ATRNL1: variants seen among roughly 807,000 people sequenced by gnomAD.
The protein encoded by ATRNL1 is attractin-like protein 1.
ATRNL1 carries 95 observed loss-of-function variants against 182.7 expected under a neutral mutation model. The ratio of observed to expected loss-of-function variants is 0.52; its 90% CI spans 0.44 to 0.62. The LOEUF (loss-of-function observed/expected upper bound fraction) is 0.62. Ranked by LOEUF, ATRNL1 falls within the 20% of genes least tolerant of loss-of-function variation. The pLI, the probability that ATRNL1 is intolerant of heterozygous loss-of-function variation, is 0.00. For missense variants in ATRNL1, 1,471 were observed against 1,679.5 expected (o/e 0.88, Z 2.17); for synonymous variants, 576 against 568.3 (o/e 1.01, Z -0.19).
At position 115,776,006 on chromosome 10, in the gene ATRNL1, A is replaced by G. The variant is rs191406172; in HGVS notation, c.3903+48651A>G. 1.8e-3 allele frequency among the ~76,000 whole-genome samples: 278 copies of G among 152,116 alleles called. 1 individual carries two copies. The highest frequency in any genetic ancestry group is 3.0e-3 in the Non-Finnish European group (202 of 67,994). On this transcript the variant is annotated intron_variant, in intron 27 of 28. Coordinates refer to ENST00000355044, the MANE Select transcript of ATRNL1 (RefSeq NM_207303.4). ...GAAAATGAATTTACAGAAAAGTCGAATATTCTTTTATTAAAGCAGCTCTGT... is the reference window on the plus strand; with the variant it reads ...GAAAATGAATTTACAGAAAAGTCGAGTATTCTTTTATTAAAGCAGCTCTGT...
chr10:115,672,763 A>T (rs1945739357), intron 26 of ATRNL1, among the ~76,000 whole-genome samples: 1 of 152,108 alleles, frequency 6.6e-6, no homozygotes, highest in South Asian at 2.1e-4. Flanking sequence ...GTCTTTCTTA[A>T]ATTATTTTTT....
In ATRNL1 at chr10:115,300,059, G is replaced by T. The variant is rs781892443; in HGVS notation, c.2441G>T (p.Arg814Leu). 6 of 1,612,532 alleles carry T rather than the reference G, an allele frequency of 3.7e-6. No individual in the cohort carries two copies. The highest frequency in any genetic ancestry group is 5.1e-6 in the Non-Finnish European group (6 of 1,179,138). Residue 814 changes from arginine (R) to leucine (L), a missense_variant, in exon 16 of 29, where the codon CGC becomes CTC. Physicochemically the swap from Arg to Leu is moderately radical, Grantham distance 102. Around this residue, in one of 3 missense-constraint regions of ATRNL1, gnomAD observed 1,031 missense variants for 1,156.0 expected, o/e 0.89. Coordinates refer to ENST00000355044, the MANE Select transcript of ATRNL1 (RefSeq NM_207303.4). ...AAAGTATCACCTTGGGTAGGCTTGCGCAAGATCAATATATCCTATTGGGGA... is the reference window on the plus strand; with the variant it reads ...AAAGTATCACCTTGGGTAGGCTTGCTCAAGATCAATATATCCTATTGGGGA... ...QQKVSPWVGL[R>L]KINISYWGWE...
intron 24 of ATRNL1, among the ~76,000 whole-genome samples, chr10:115,507,897 T>C (rs1391309202): frequency 6.6e-6 from 1 of 152,010 alleles, no homozygotes; most frequent in Non-Finnish European, 1.5e-5. Context: ...CAAACAGGGT[T>C]ACAGAGGTTT....
At chr10:115,627,837 A>C (rs1345062827) in intron 26 of ATRNL1, among the ~76,000 whole-genome samples, 1 of 152,140 alleles carries the variant, frequency 6.6e-6, no homozygotes, top group Non-Finnish European at 1.5e-5. Flanking sequence ...TTGCCAGTTA[A>C]TATGGTTGTT....
chr10:115,489,701 AT>A (rs1465702529), intron 24 of ATRNL1, among the ~76,000 whole-genome samples: 2 of 152,168 alleles, frequency 1.3e-5, no homozygotes, highest in Non-Finnish European at 2.9e-5. Flanking sequence ...GTGTCTTTTA[AT>A]TGGGGCATTT....
chr10:115,392,716 G>A (rs2134273725), intron 19 of ATRNL1, among the ~76,000 whole-genome samples: 1 of 152,266 alleles, frequency 6.6e-6, no homozygotes, highest in Non-Finnish European at 1.5e-5. Context: ...GCTCTTCTGA[G>A]TCTTGACCTT....
intron 24 of ATRNL1, among the ~76,000 whole-genome samples, chr10:115,474,306 T>TGA (rs2134585426): frequency 6.6e-6 from 1 of 151,540 alleles, no homozygotes; most frequent in East Asian, 1.9e-4. Context: ...AGGTTTCTGC[T>TGA]GAGAAATCTG....
chr10:115,520,710 G>A (rs1850882085), intron 25 of ATRNL1, among the ~76,000 whole-genome samples: 2 of 151,990 alleles, frequency 1.3e-5, no homozygotes, highest in Admixed American at 1.3e-4. Context: ...ATTCCTCCAT[G>A]TGGGCCCATA....
At chr10:115,721,507 A>G (rs10885791) in intron 26 of ATRNL1, among the ~76,000 whole-genome samples, 1 of 151,964 alleles carries the variant, frequency 6.6e-6, no homozygotes, top group Non-Finnish European at 1.5e-5. Flanking sequence ...CCTCAGAATC[A>G]TGGTGGGGGG....
intron 21 of ATRNL1, among the ~76,000 whole-genome samples, chr10:115,448,024 G>A (rs1429584966): frequency 2.0e-5 from 3 of 151,870 alleles, no homozygotes; most frequent in African/African-American, 7.2e-5. Context: ...GTGTATTTAA[G>A]TTTCTCTTCT....
chr10:115,802,504 TTATAAA>T (rs1266526734), intron 27 of ATRNL1, among the ~76,000 whole-genome samples: 4 of 152,202 alleles, frequency 2.6e-5, no homozygotes, highest in Non-Finnish European at 5.9e-5. Context: ...TACAAAATCA[TTATAAA>T]TACAATTCAT....
intron 21 of ATRNL1, among the ~76,000 whole-genome samples, chr10:115,448,650 A>G (rs1236534620): frequency 6.6e-6 from 1 of 152,160 alleles, no homozygotes; most frequent in Admixed American, 6.6e-5. Context: ...CAAAGTTAGC[A>G]GAAGACAAGA....
At chr10:115,441,324 T>A (rs1846669198) in intron 21 of ATRNL1, among the ~76,000 whole-genome samples, 1 of 151,872 alleles carries the variant, frequency 6.6e-6, no homozygotes, top group African/African-American at 2.4e-5. Context: ...AGATCAACCC[T>A]TCTCAAAATA....
chr10:115,315,786 A>G (rs1554929461), intron 18 of ATRNL1, 50 bp downstream of exon 18: 1 of 1,476,024 alleles, frequency 6.8e-7, no homozygotes, highest in Non-Finnish European at 9.3e-7. Context: ...AAGGGATCCA[A>G]GAAGGAGTTT....
rs1042081264 is a variant in ATRNL1 at position 115,858,042 on chromosome 10, A to C, written c.4018+10051A>C. ...AAAATCAAAATGTGTTGCAATACCC[A>C]AGCTGCCTTTGAAGCAACAAAACAA... On this transcript the variant is annotated intron_variant, in intron 28 of 28. Coordinates refer to ENST00000355044, the MANE Select transcript of ATRNL1 (RefSeq NM_207303.4). 1.3e-4 allele frequency among the ~76,000 whole-genome samples: 20 copies of C among 152,330 alleles called. No individual in the cohort carries two copies. The East Asian group carries it at 3.9e-3, about 29-fold the overall frequency.
intron 25 of ATRNL1, among the ~76,000 whole-genome samples, chr10:115,537,623 A>G (rs1377471417): frequency 6.6e-6 from 1 of 152,170 alleles, no homozygotes; most frequent in Non-Finnish European, 1.5e-5. Flanking sequence ...TACTTAAAGT[A>G]TACCAGTCAC....
chr10:115,405,041 A>G (rs1554957869), intron 20 of ATRNL1, among the ~76,000 whole-genome samples: 1 of 152,170 alleles, frequency 6.6e-6, no homozygotes, highest in Non-Finnish European at 1.5e-5. Flanking sequence ...GTATCAAGTT[A>G]AGATTTAGGA....
At chr10:115,409,353 T>G (rs1845018814) in intron 20 of ATRNL1, among the ~76,000 whole-genome samples, 2 of 152,186 alleles carry the variant, frequency 1.3e-5, no homozygotes, top group Non-Finnish European at 2.9e-5. Context: ...CTTGATTTCT[T>G]TTTCAGCTAC....
chr10:115,793,823 T>A lies in ATRNL1; in HGVS notation c.3904-54054T>A, dbSNP rs115522292. 1.0e-2 allele frequency among the ~76,000 whole-genome samples: 1,515 copies of A among 152,234 alleles called. 31 individuals carry two copies. Among genetic ancestry groups the A allele is most frequent in the African/African-American group, 0.034 (1,433 of 41,564 alleles). ...ATCCCAATGAGTGTGGGATTTTTCTTTGTGGTGGGTGATGAAAATGTTCTA... is the reference window on the plus strand; with the variant it reads ...ATCCCAATGAGTGTGGGATTTTTCTATGTGGTGGGTGATGAAAATGTTCTA... On this transcript the variant is annotated intron_variant, in intron 27 of 28. Transcript: ENST00000355044.
Sources: allele counts gnomAD v4.1 joint callset (sites outside exome capture counted in the v4.1 genomes callset), GRCh38; gene constraint gnomAD v4.1.1; regional missense constraint gnomAD v4.1.1; transcripts MANE v1.5; gene names NCBI Gene and HGNC (gene_info 2026-07-23, HGNC 2026-07-21).